The following TMEM245 variants were observed in gnomAD, a reference collection of about 807,000 sequenced individuals.
TMEM245 encodes the protein protein CG-2.
A neutral mutation model predicts 101.2 loss-of-function variants in TMEM245; 69 were observed. The observed-to-expected ratio is 0.68, with a 90% confidence interval of 0.56 to 0.83. The LOEUF (loss-of-function observed/expected upper bound fraction) is 0.83, where lower values mean the gene tolerates loss of function less well. Among genes scored for constraint, TMEM245 ranks in the 40% least tolerant of loss-of-function variants. The probability of loss-of-function intolerance (pLI) is 0.00; values close to 1 mark genes in which losing one functional copy is unlikely to be tolerated. For missense variants in TMEM245, 1,075 were observed against 1,092.8 expected, an observed-to-expected ratio of 0.98 and a Z score of 0.23; for synonymous variants, 537 against 449.8, an observed-to-expected ratio of 1.19 and a Z score of -2.45.
intron 16 of TMEM245, among the ~76,000 whole-genome samples, chr9:109,033,824 C>G (rs1315766576): frequency 6.6e-6 from 1 of 152,186 alleles, no homozygotes; most frequent in Non-Finnish European, 1.5e-5. Context: ...TGGCTTGGGA[C>G]TGGTTAGGAG....
intron 7 of TMEM245, among the ~76,000 whole-genome samples, chr9:109,085,177 C>G (rs1829795633): frequency 6.6e-6 from 1 of 152,218 alleles, no homozygotes; most frequent in Admixed American, 6.5e-5. Context: ...GCAATTATTG[C>G]TCACTACAAC....
chr9:109,064,004 G>T (rs1443133303), intron 10 of TMEM245, among the ~76,000 whole-genome samples: 1 of 152,106 alleles, frequency 6.6e-6, no homozygotes, highest in Non-Finnish European at 1.5e-5. Context: ...CGACCACTGG[G>T]AACTGACTCA....
intron 7 of TMEM245, among the ~76,000 whole-genome samples, chr9:109,084,241 G>A (rs1216120954): frequency 6.6e-6 from 1 of 152,058 alleles, no homozygotes; most frequent in Non-Finnish European, 1.5e-5. Flanking sequence ...ACCCAGTGCT[G>A]CAATTTTCTG....
chr9:109,054,316 C>A (rs940591039), intron 12 of TMEM245, among the ~76,000 whole-genome samples: 5 of 152,142 alleles, frequency 3.3e-5, no homozygotes, highest in African/African-American at 1.2e-4. Context: ...TGCACTACAG[C>A]CTAATGTGCT....
intron 16 of TMEM245, among the ~76,000 whole-genome samples, chr9:109,035,812 G>A (rs946771093): frequency 5.9e-5 from 9 of 151,406 alleles, no homozygotes; most frequent in East Asian, 1.9e-4. Context: ...GTTCATTCCC[G>A]TAATCCTAGT....
chr9:109,048,598 G>A (rs1455867549), intron 14 of TMEM245, among the ~76,000 whole-genome samples: 2 of 152,142 alleles, frequency 1.3e-5, no homozygotes, highest in Non-Finnish European at 2.9e-5. Flanking sequence ...ACAATAGGAG[G>A]GTTTAATTTG....
intron 10 of TMEM245, 97 bp downstream of exon 10, chr9:109,064,380 G>T: frequency 2.8e-6 from 3 of 1,083,188 alleles, no homozygotes; most frequent in Middle Eastern, 2.3e-4. Flanking sequence ...ATTTACTGCT[G>T]TGAATAGCAT....
intron 3 of TMEM245, among the ~76,000 whole-genome samples, chr9:109,104,988 AT>A (rs1830372660): frequency 6.6e-6 from 1 of 152,388 alleles, no homozygotes; most frequent in African/African-American, 2.4e-5. Context: ...AACACAAGCA[AT>A]AAAAGAAAAA....
chr9:109,072,790 G>A (rs1264527616), intron 9 of TMEM245, among the ~76,000 whole-genome samples: 2 of 152,190 alleles, frequency 1.3e-5, no homozygotes, highest in East Asian at 3.8e-4. Flanking sequence ...AGAACTGCTT[G>A]AGCCCAGGAG....
intron 4 of TMEM245, among the ~76,000 whole-genome samples, chr9:109,093,205 AG>A (rs1384302964): frequency 6.6e-6 from 1 of 152,164 alleles, no homozygotes; most frequent in East Asian, 1.9e-4. Flanking sequence ...AATGAATAAC[AG>A]AAGAAAAATA....
intron 17 of TMEM245, among the ~76,000 whole-genome samples, chr9:109,032,807 CTTTTT>C (rs568749155): frequency 1.6e-5 from 2 of 123,158 alleles, no homozygotes; most frequent in Admixed American, 8.8e-5. Context: ...CAATATAGGT[CTTTTT>C]TTTTTTTTTT....
chr9:109,090,977 G>A lies in TMEM245; in HGVS notation c.1095C>T (p.Val365=). Residue 365 remains valine (V), a synonymous_variant, in exon 5 of 18, where the codon GTC becomes GTT. Transcript: ENST00000374586. ...YFVSLVWAIV[V]MQIWLNLWIV... is the part of the protein sequence containing the mutation. ...TCCACAGGTTCAACCAGATCTGCAT[G>A]ACGACAATGGCCCAAACTAGAGACA... The A allele has an allele frequency of 6.2e-7, 1 of 1,614,094 alleles. No homozygotes were observed. Among genetic ancestry groups the A allele is most frequent in the Non-Finnish European group, 8.5e-7 (1 of 1,179,960 alleles).
In TMEM245 at chr9:109,020,087, ATTCTT is replaced by A. The variant is rs1450988480; in HGVS notation, c.*368_*372del. The A allele has an allele frequency of 6.4e-6, 1 of 157,160 alleles. No individual in the cohort carries two copies. Among genetic ancestry groups the A allele is most frequent in the Non-Finnish European group, 1.4e-5 (1 of 71,434 alleles). The allele number at this position is 157,160 out of a possible 1,614,324, so 9.7% of individuals were successfully genotyped here. A position where few individuals can be genotyped will look rare whatever the true frequency, so the allele number is the denominator to read the frequency against. On this transcript the variant is annotated 3_prime_UTR_variant, in exon 18 of 18. Transcript: ENST00000374586. The stretch of plus-strand genomic sequence containing the variant: ...AAACCAGGAAAAAATTACACCATCT[ATTCTT>A]TTAACAGCAGGTAGTTTAGAGTTCT...
At chr9:109,043,533 G>T (rs1828381411) in intron 14 of TMEM245, among the ~76,000 whole-genome samples, 1 of 152,130 alleles carries the variant, frequency 6.6e-6, no homozygotes, top group Admixed American at 6.5e-5. Context: ...TTTCTTCAGT[G>T]ATTCTTCAAA....
chr9:109,066,538 G>T (rs544968812), intron 9 of TMEM245, among the ~76,000 whole-genome samples: 147 of 148,518 alleles, frequency 9.9e-4, no homozygotes, highest in Non-Finnish European at 1.5e-3. Context: ...ATAATTTACA[G>T]TATAAGCATA....
At chr9:109,021,928 G>C (rs1827638052) in intron 17 of TMEM245, among the ~76,000 whole-genome samples, 1 of 152,116 alleles carries the variant, frequency 6.6e-6, no homozygotes, top group Admixed American at 6.5e-5. Flanking sequence ...AGAAACTAAA[G>C]ATAACAAAAA....
chr9:109,050,131 T>C lies in TMEM245; in HGVS notation c.2123+152A>G, dbSNP rs1828628174. 3.4e-6 allele frequency: 3 copies of C among 893,062 alleles called. No homozygotes were observed. The East Asian group carries it at 7.9e-5, about 24-fold the overall frequency. 55.3% of individuals were successfully genotyped at this position (893,062 alleles called of 1,614,324 possible). A position where few individuals can be genotyped will look rare whatever the true frequency, so the allele number is the denominator to read the frequency against. On this transcript the variant is annotated intron_variant, in intron 14 of 17. Transcript: ENST00000374586. ...TATTAACAACTGCACTGTTCATATT[T>C]ATCCTGTCAAAATGAGATGAAAACC...
chr9:109,106,639 G>T (rs1347556656), intron 2 of TMEM245, 30 bp from the exon 3 acceptor site: 2 of 1,529,582 alleles, frequency 1.3e-6, no homozygotes, highest in African/African-American at 1.4e-5. Context: ...AACATTTTTA[G>T]TGAAATAAAA....
intron 1 of TMEM245, among the ~76,000 whole-genome samples, chr9:109,108,898 T>C (rs143761395): frequency 0.011 from 1,747 of 152,222 alleles, 14 homozygotes; most frequent in South Asian, 0.031. Flanking sequence ...AATCTAATCT[T>C]ATGGAATTCC....
Sources: gnomAD v4.1 joint callset for allele counts (sites outside exome capture counted in the v4.1 genomes callset) on GRCh38, gnomAD v4.1.1 for gene constraint, MANE v1.5 for transcripts, NCBI Gene and HGNC (gene_info 2026-07-23, HGNC 2026-07-21) for gene names.